The following KCNH7 variants were observed in gnomAD, a reference collection of about 807,000 sequenced individuals.
KCNH7 encodes voltage-gated inwardly rectifying potassium channel KCNH7.
A neutral mutation model predicts 120.8 loss-of-function variants in KCNH7; 49 were observed. That is an observed-to-expected ratio of 0.41 (90% CI 0.32 to 0.51). The LOEUF is 0.51. Among genes scored for constraint, KCNH7 ranks in the 20% least tolerant of loss-of-function variants. The pLI is 0.38. For missense variants in KCNH7, 1,097 were observed against 1,446.6 expected (o/e 0.76, Z 3.92); for synonymous variants, 547 against 516.1 (o/e 1.06, Z -0.81).
At chr2:162,407,654 G>A (rs2105458268) in intron 9 of KCNH7, among the ~76,000 whole-genome samples, 1 of 152,042 alleles carries the variant, frequency 6.6e-6, no homozygotes, top group South Asian at 2.1e-4. Context: ...CAACAGGAGG[G>A]ATCTGCATCC....
intron 6 of KCNH7, among the ~76,000 whole-genome samples, chr2:162,500,577 C>T (rs1690653997): frequency 6.6e-6 from 1 of 151,860 alleles, no homozygotes; most frequent in African/African-American, 2.4e-5. Context: ...ACAACAGGAG[C>T]AGCGATTATT....
At chr2:162,789,773 G>T (rs1683855197) in intron 2 of KCNH7, among the ~76,000 whole-genome samples, 1 of 151,866 alleles carries the variant, frequency 6.6e-6, no homozygotes, top group Non-Finnish European at 1.5e-5. Context: ...AATCAGAGAA[G>T]AAAGCAAAAG....
At chr2:162,581,872 G>T (rs537686075) in intron 2 of KCNH7, among the ~76,000 whole-genome samples, 2 of 151,914 alleles carry the variant, frequency 1.3e-5, no homozygotes, top group Non-Finnish European at 2.9e-5. Context: ...GCTACAAAGG[G>T]ACCCACCCAC....
intron 2 of KCNH7, among the ~76,000 whole-genome samples, chr2:162,630,912 G>A (rs893042948): frequency 7.9e-5 from 12 of 152,020 alleles, no homozygotes; most frequent in African/African-American, 2.7e-4. Context: ...TAATCTCCCC[G>A]ATCAGGTTCC....
intron 2 of KCNH7, among the ~76,000 whole-genome samples, chr2:162,599,555 T>G (rs531371718): frequency 6.6e-6 from 1 of 152,116 alleles, no homozygotes; most frequent in African/African-American, 2.4e-5. Context: ...TATTCCAAAA[T>G]TTCCAAATTG....
intron 9 of KCNH7, among the ~76,000 whole-genome samples, chr2:162,410,788 G>A (rs945668996): frequency 2.6e-5 from 4 of 151,924 alleles, no homozygotes; most frequent in Admixed American, 2.0e-4. Context: ...AGTGGGCAAA[G>A]GACATGAACA....
intron 5 of KCNH7, among the ~76,000 whole-genome samples, chr2:162,510,793 A>T (rs1434194824): frequency 6.6e-6 from 1 of 151,744 alleles, no homozygotes; most frequent in East Asian, 1.9e-4. Context: ...CCTGTACCTA[A>T]TTAGCAATGT....
rs1686041936 is a variant in KCNH7 at position 162,373,518 on chromosome 2, T to C, written c.3276A>G (p.Gln1092=). The change falls in exon 15 of 16, where the codon CAA becomes CAG. Residue 1092 remains glutamine, a synonymous_variant. Coordinates refer to ENST00000332142, the MANE Select transcript of KCNH7 (RefSeq NM_033272.4). Reference sequence around the variant, plus strand: ...GGTCAGTTTTGATGGATGCTTCCGGTTGACTGGTTCTCATCAGCTGGATGA... The same window carrying C: ...GGTCAGTTTTGATGGATGCTTCCGGCTGACTGGTTCTCATCAGCTGGATGA... The part of the protein sequence containing the change: ...RPIIQLMRTS[Q]PEASIKTDRS... 1 of 1,578,276 alleles carries C rather than the reference T, an allele frequency of 6.3e-7. No individual in the cohort carries two copies. The highest frequency in any genetic ancestry group is 1.4e-5 in the African/African-American group (1 of 73,118).
At chr2:162,765,968 G>T (rs1316810922) in intron 2 of KCNH7, among the ~76,000 whole-genome samples, 1 of 151,962 alleles carries the variant, frequency 6.6e-6, no homozygotes, top group Non-Finnish European at 1.5e-5. Flanking sequence ...TGTTGCCCAG[G>T]CTGGTCTCAA....
At chr2:162,544,653 C>A (rs1339902147) in intron 2 of KCNH7, among the ~76,000 whole-genome samples, 2 of 152,092 alleles carry the variant, frequency 1.3e-5, no homozygotes, top group African/African-American at 4.8e-5. Flanking sequence ...GTTTTATAAG[C>A]AATGGCTTGA....
rs1274532863 is a variant in KCNH7, at chr2:162,371,968, G to A, written c.3452C>T (p.Ser1151Phe). The change falls in exon 16 of 16, where the codon TCT becomes TTT. Residue 1151 changes from serine to phenylalanine, a missense_variant. Physicochemically the swap from Ser to Phe is radical, Grantham distance 155 (BLOSUM62 -2). Transcript: ENST00000332142. ...TCTTTGCCGCAGGTGAAGCTCTAAAGAGAGATCACTGTCTTGTTTTAAAAG... is the reference window on the plus strand; with the variant it reads ...TCTTTGCCGCAGGTGAAGCTCTAAAAAGAGATCACTGTCTTGTTTTAAAAG... ...TSLLKQDSDL[S>F]LELHLRQRKT... 3.7e-6 allele frequency: 6 copies of A among 1,613,756 alleles called. No homozygotes were observed. The highest frequency in any genetic ancestry group is 8.5e-7 in the Non-Finnish European group (1 of 1,179,890).
In KCNH7 at chr2:162,498,822, G is replaced by A. The variant is rs187733499; in HGVS notation, c.1128+5621C>T. On this transcript the variant is annotated intron_variant, in intron 6 of 15. Coordinates refer to ENST00000332142, the MANE Select transcript of KCNH7 (RefSeq NM_033272.4). ...GGAACTTGCTGCTATTAGGTGGGGAGTGCAGTCAACACAGAAGCAAGGGAG... is the reference window on the plus strand; with the variant it reads ...GGAACTTGCTGCTATTAGGTGGGGAATGCAGTCAACACAGAAGCAAGGGAG... Among the ~76,000 whole-genome samples the A allele has an allele frequency of 2.8e-3, 420 of 152,210 alleles. 1 individual carries two copies. The highest frequency in any genetic ancestry group is 9.6e-3 in the African/African-American group (400 of 41,556).
At chr2:162,758,110 C>G (rs879352387) in intron 2 of KCNH7, among the ~76,000 whole-genome samples, 1 of 152,074 alleles carries the variant, frequency 6.6e-6, no homozygotes, top group Non-Finnish European at 1.5e-5. Flanking sequence ...TCTGTTGTCG[C>G]TAAAACATAG....
chr2:162,791,997 G>C (rs957287239), intron 2 of KCNH7, among the ~76,000 whole-genome samples: 1 of 151,680 alleles, frequency 6.6e-6, no homozygotes, highest in African/African-American at 2.4e-5. Context: ...ACATGAAGGG[G>C]TGCTGAATTT....
chr2:162,435,901 A>G lies in KCNH7; in HGVS notation c.1555-304T>C, dbSNP rs551524646. On this transcript the variant is annotated intron_variant, in intron 7 of 15. Coordinates refer to ENST00000332142, the MANE Select transcript of KCNH7 (RefSeq NM_033272.4). ...CTCAGTGACTCATTCATTCACCAAC[A>G]TACATTCTAGTGTGTTACTGTGTGC... Among the ~76,000 whole-genome samples, 4 of 152,210 alleles carry G rather than the reference A, an allele frequency of 2.6e-5. No homozygotes were observed. In the East Asian group the frequency reaches 7.7e-4, roughly 29 times the overall value.
intron 2 of KCNH7, among the ~76,000 whole-genome samples, chr2:162,545,038 C>A (rs562825016): frequency 6.6e-6 from 1 of 152,142 alleles, no homozygotes; most frequent in East Asian, 1.9e-4. Context: ...CAGGAGAAAA[C>A]CTTATCTCAG....
intron 6 of KCNH7, among the ~76,000 whole-genome samples, chr2:162,475,262 A>T (rs1689697290): frequency 6.6e-6 from 1 of 152,218 alleles, no homozygotes; most frequent in South Asian, 2.1e-4. Flanking sequence ...TTCCAGGAGG[A>T]CATTACCGTG....
At chr2:162,694,996 C>T (rs1395317547) in intron 2 of KCNH7, among the ~76,000 whole-genome samples, 1 of 152,112 alleles carries the variant, frequency 6.6e-6, no homozygotes, top group East Asian at 1.9e-4. Flanking sequence ...CCGCCTCGGC[C>T]TCCCAACCTG....
At chr2:162,470,313 C>T (rs979794888) in intron 6 of KCNH7, among the ~76,000 whole-genome samples, 20 of 151,590 alleles carry the variant, frequency 1.3e-4, no homozygotes, top group Admixed American at 5.3e-4. Context: ...GCGCCTCTGC[C>T]CTAGTGCCCT....
Sources: gnomAD v4.1 joint callset for allele counts (sites outside exome capture counted in the v4.1 genomes callset) on GRCh38, gnomAD v4.1.1 for gene constraint, MANE v1.5 for transcripts, NCBI Gene and HGNC (gene_info 2026-07-23, HGNC 2026-07-21) for gene names.